The following SPG11 variants were observed in gnomAD, a reference collection of about 807,000 sequenced individuals.
SPG11 encodes SPG11 vesicle trafficking associated, spatacsin.
Under a neutral mutation model 274.0 loss-of-function variants are expected in SPG11, and 222 were observed. The observed-to-expected ratio is 0.81, with a 90% CI of 0.73 to 0.91. The LOEUF is 0.91. Among genes scored for constraint, SPG11 ranks in the 40% least tolerant of loss-of-function variants. The pLI is 0.00. For missense variants in SPG11, 3,114 were observed against 2,872.7 expected, an observed-to-expected ratio of 1.08 and a Z score of -1.92; for synonymous variants, 1,144 against 1,039.7, an observed-to-expected ratio of 1.10 and a Z score of -1.93.
chr15:44,613,316 A>G, intron 17 of SPG11, 114 bp downstream of exon 17: 1 of 763,688 alleles, frequency 1.3e-6, no homozygotes, highest in Non-Finnish European at 2.3e-6. Context: ...TTACATTCAG[A>G]TAGCTGACCA....
Position 44,563,128 on chromosome 15 carries a change from G to A in SPG11, c.7325C>T (p.Ala2442Val), listed in dbSNP as rs762374689. The A allele has an allele frequency of 7.4e-6, 12 of 1,613,936 alleles. No homozygotes were observed. The Admixed American group carries it at 1.2e-4, about 16-fold the overall frequency. ...QTGCCLKDML[A>V]G ...AGACACCTATGAAATCATCTAACCT[G>A]CTAGCATGTCCTTTAGACAGCAACC... is the stretch of plus-strand genomic sequence containing the variant. Residue 2442 changes from alanine (A) to valine (V), a missense_variant, in exon 40 of 40, where the codon GCA becomes GTA. Ala to Val is a moderately conservative substitution (Grantham distance 64). Transcript: ENST00000261866.
At position 44,597,110 on chromosome 15, in the gene SPG11, C is replaced by CTTT. The variant is rs201600828; in HGVS notation, c.4002-170_4002-168dup. ...TAGGCTACTTTGAAAAAAGTAGATTCTTTTTTTTTTTTTTTTTTTTGAGAC... is the reference window on the plus strand; with the variant it reads ...TAGGCTACTTTGAAAAAAGTAGATTCTTTTTTTTTTTTTTTTTTTTTTTGAGAC... On this transcript the variant is annotated intron_variant, in intron 23 of 39. Coordinates refer to ENST00000261866, the MANE Select transcript of SPG11 (RefSeq NM_025137.4). 2.7e-4 allele frequency: 93 copies of CTTT among 345,528 alleles called. 1 individual carries two copies. Among genetic ancestry groups the CTTT allele is most frequent in the East Asian group, 4.1e-4 (6 of 14,494 alleles). 21.4% of individuals were successfully genotyped at this position (345,528 alleles called of 1,614,324 possible). A position where few individuals can be genotyped will look rare whatever the true frequency, so the allele number is the denominator to read the frequency against.
At chr15:44,598,203 G>C in intron 23 of SPG11, 62 bp downstream of exon 23, 1 of 1,249,364 alleles carries the variant, frequency 8.0e-7, no homozygotes, top group Non-Finnish European at 1.2e-6. Flanking sequence ...AGAAAAACTA[G>C]GCAAACACAG....
intron 8 of SPG11, 142 bp downstream of exon 8, chr15:44,633,342 AAAAAAAAAAAAAAAAAAAAAG>A (rs2084131826): frequency 5.2e-5 from 13 of 247,816 alleles, no homozygotes; most frequent in African/African-American, 1.6e-4. Flanking sequence ...AAAAAAAAAA[AAAAAAAAAAAAAAAAAAAAAG>A]AAAGTTTCCA....
intron 16 of SPG11, among the ~76,000 whole-genome samples, chr15:44,613,978 A>C (rs934815299): frequency 1.3e-5 from 2 of 152,172 alleles, no homozygotes; most frequent in African/African-American, 4.8e-5. Context: ...TAGGAGTTCG[A>C]GGCTGCAATG....
intron 37 of SPG11, 42 bp downstream of exon 37, chr15:44,566,175 C>T (rs748948144): frequency 6.2e-7 from 1 of 1,608,690 alleles, no homozygotes; most frequent in Non-Finnish European, 8.5e-7. Context: ...TTACTGCAGA[C>T]AGCAAGTCCC....
At chr15:44,579,902 A>G (rs2140940394) in intron 30 of SPG11, among the ~76,000 whole-genome samples, 1 of 152,310 alleles carries the variant, frequency 6.6e-6, no homozygotes, top group Admixed American at 6.5e-5. Flanking sequence ...ACATAGCACA[A>G]TTACTTAATT....
intron 30 of SPG11, among the ~76,000 whole-genome samples, chr15:44,578,019 CTTTTTTT>C (rs1179057683): frequency 6.0e-5 from 7 of 117,572 alleles, no homozygotes; most frequent in South Asian, 2.8e-4. Context: ...GCCTTCTTTC[CTTTTTTT>C]TTTTTTTTTT....
chr15:44,639,270 AAG>A (rs1042220328), intron 7 of SPG11, among the ~76,000 whole-genome samples: 17 of 142,406 alleles, frequency 1.2e-4, no homozygotes, highest in African/African-American at 4.7e-4. Context: ...CACACACACA[AAG>A]AGATACACAC....
At chr15:44,604,328 G>C (rs144914760) in intron 20 of SPG11, 19 of 252,548 alleles carry the variant, frequency 7.5e-5, no homozygotes, top group Admixed American at 3.0e-4. Flanking sequence ...TGTGAGAACA[G>C]AGCGACTTTG....
intron 30 of SPG11, among the ~76,000 whole-genome samples, chr15:44,576,934 C>G (rs1026971769): frequency 2.6e-5 from 4 of 151,852 alleles, no homozygotes; most frequent in Admixed American, 2.6e-4. Flanking sequence ...TCAAGCGATT[C>G]TCCTGCCTCA....
Position 44,565,907 on chromosome 15 carries a change from A to G in SPG11, c.6946T>C (p.Leu2316=), listed in dbSNP as rs2082297818. ...CAGTCCATCAGCTTGTGGCGGCCCA[A>G]GTTGATGAGCATTGTGTTCTGGCCA... ...NTGQNTMLIN[L]GRHKLMDCIL... Residue 2316 remains leucine, a synonymous_variant, in exon 38 of 40, where the codon TTG becomes CTG. Transcript: ENST00000261866. 6.2e-7 allele frequency: 1 copy of G among 1,613,810 alleles called. No homozygotes were observed. Among genetic ancestry groups the G allele is most frequent in the Non-Finnish European group, 8.5e-7 (1 of 1,179,980 alleles).
intron 16 of SPG11, among the ~76,000 whole-genome samples, chr15:44,614,905 A>G (rs1183879273): frequency 6.6e-6 from 1 of 152,214 alleles, no homozygotes; most frequent in Non-Finnish European, 1.5e-5. Flanking sequence ...ATACTAATGT[A>G]TTGCTCTCTC....
intron 15 of SPG11, among the ~76,000 whole-genome samples, chr15:44,618,817 C>CAA (rs77091158): frequency 3.4e-4 from 44 of 131,044 alleles, no homozygotes; most frequent in African/African-American, 1.1e-3. Flanking sequence ...GACTCCATCT[C>CAA]AAAAAAAAAA....
At chr15:44,628,418 GTT>G (rs886165198) in intron 10 of SPG11, among the ~76,000 whole-genome samples, 2 of 152,218 alleles carry the variant, frequency 1.3e-5, no homozygotes, top group Non-Finnish European at 2.9e-5. Context: ...AGAGTTGGGT[GTT>G]TGTTACTGAA....
At chr15:44,581,620 G>A (rs1202659019) in intron 30 of SPG11, among the ~76,000 whole-genome samples, 10 of 151,308 alleles carry the variant, frequency 6.6e-5, no homozygotes, top group Non-Finnish European at 8.8e-5. Flanking sequence ...AAGGCTGGGC[G>A]TGGTGGCTCA....
chr15:44,638,785 T>C (rs1395062683), intron 7 of SPG11, among the ~76,000 whole-genome samples: 1 of 152,026 alleles, frequency 6.6e-6, no homozygotes, highest in Non-Finnish European at 1.5e-5. Flanking sequence ...CACCTAAAGT[T>C]TGGAGTTCAA....
rs1230833057 is a variant in SPG11 at position 44,600,573 on chromosome 15, C to T, written c.3580G>A (p.Val1194Met). The change falls in exon 21 of 40, where the codon GTG becomes ATG. Residue 1194 changes from valine (V) to methionine (M), a missense_variant. Coordinates refer to ENST00000261866, the MANE Select transcript of SPG11 (RefSeq NM_025137.4). ...TAATAAGCAAAATTCAGACGTTCCACTATAGCATATTTATTAACCAGGTCA... is the reference window on the plus strand; with the variant it reads ...TAATAAGCAAAATTCAGACGTTCCATTATAGCATATTTATTAACCAGGTCA... ...SPDLVNKYAI[V>M]ERLNFAYYLH... 6.2e-7 allele frequency: 1 copy of T among 1,614,056 alleles called. No individual in the cohort carries two copies. The highest frequency in any genetic ancestry group is 1.3e-5 in the African/African-American group (1 of 74,920).
At chr15:44,660,684 T>C (rs542103141) in intron 1 of SPG11, 68 bp from the exon 2 acceptor site, 3 of 1,456,258 alleles carry the variant, frequency 2.1e-6, no homozygotes, top group African/African-American at 1.4e-5. Flanking sequence ...ATGGTGGGGG[T>C]AGAAGGGTTG....
Sources: gnomAD v4.1 joint callset for allele counts (sites outside exome capture counted in the v4.1 genomes callset) on GRCh38, gnomAD v4.1.1 for gene constraint, MANE v1.5 for transcripts, NCBI Gene and HGNC (gene_info 2026-07-23, HGNC 2026-07-21) for gene names.